METTL25: variants seen among roughly 807,000 people sequenced by gnomAD.
METTL25 encodes the protein methyltransferase like 25, also known as probable methyltransferase-like protein 25.
Under a neutral mutation model 71.6 loss-of-function variants are expected in METTL25, and 64 were observed. The observed-to-expected ratio is 0.89, with a 90% CI of 0.73 to 1.10. The LOEUF (loss-of-function observed/expected upper bound fraction) is 1.10, where lower values mean the gene tolerates loss of function less well. METTL25 is among the 50% of genes least tolerant of loss of function. The pLI is 0.00. For missense variants in METTL25, 807 were observed against 707.0 expected (o/e 1.14, Z -1.60); for synonymous variants, 287 against 250.3 (o/e 1.15, Z -1.38).
intron 1 of METTL25, chr12:82,374,373 A>C (rs1883587554): frequency 6.6e-6 from 1 of 152,180 alleles, no homozygotes; most frequent in Non-Finnish European, 1.5e-5. Flanking sequence ...TGATTGGTCC[A>C]TTTTACAGAG....
chr12:82,413,796 AAATAAAT>A (rs1316326269), intron 5 of METTL25, among the ~76,000 whole-genome samples: 6 of 151,916 alleles, frequency 3.9e-5, no homozygotes, highest in African/African-American at 9.7e-5. Context: ...GGGTTTGCAT[AAATAAAT>A]AATAAATAAT....
At chr12:82,450,758 C>T (rs2731292) in intron 8 of METTL25, among the ~76,000 whole-genome samples, 139,731 of 152,160 alleles carry the variant, frequency 0.92, 64,562 homozygotes, top group East Asian at 1. Flanking sequence ...TTGAAAATAC[C>T]AGAAACACTT....
intron 9 of METTL25, among the ~76,000 whole-genome samples, chr12:82,466,127 A>G (rs1892216515): frequency 6.6e-6 from 1 of 150,528 alleles, no homozygotes; most frequent in African/African-American, 2.4e-5. Context: ...TCCTTCTACT[A>G]ATTTCGGATT....
At chr12:82,430,216 A>G (rs930380581) in intron 5 of METTL25, among the ~76,000 whole-genome samples, 3 of 151,396 alleles carry the variant, frequency 2.0e-5, no homozygotes, top group African/African-American at 7.3e-5. Context: ...TGTGGAACTA[A>G]TAGTTCTACA....
At chr12:82,376,450 T>G (rs1199600454) in intron 1 of METTL25, among the ~76,000 whole-genome samples, 1 of 152,238 alleles carries the variant, frequency 6.6e-6, no homozygotes, top group African/African-American at 2.4e-5. Context: ...CTTAAAAATT[T>G]CAATGTCATT....
intron 8 of METTL25, among the ~76,000 whole-genome samples, chr12:82,453,657 T>C (rs573127436): frequency 6.6e-6 from 1 of 152,272 alleles, no homozygotes; most frequent in East Asian, 1.9e-4. Context: ...GTTACATATT[T>C]CTTCAGTAGC....
chr12:82,411,299 G>A (rs1326329578), intron 5 of METTL25, among the ~76,000 whole-genome samples: 1 of 151,948 alleles, frequency 6.6e-6, no homozygotes, highest in Non-Finnish European at 1.5e-5. Flanking sequence ...AATTCAAGAA[G>A]CATTTAAGAT....
intron 5 of METTL25, among the ~76,000 whole-genome samples, chr12:82,417,540 G>A (rs1013791474): frequency 6.6e-6 from 1 of 152,128 alleles, no homozygotes; most frequent in Non-Finnish European, 1.5e-5. Context: ...ATGGGTACAT[G>A]TACAAATACC....
At chr12:82,386,689 A>G (rs1885055216) in intron 1 of METTL25, 114 bp from the exon 2 acceptor site, 1 of 858,528 alleles carries the variant, frequency 1.2e-6, no homozygotes, top group Non-Finnish European at 1.8e-6. Context: ...TTCACAACAA[A>G]ATGAAAATAT....
At chr12:82,358,986 G>T in intron 1 of METTL25, 162 bp downstream of exon 1, 1 of 714,134 alleles carries the variant, frequency 1.4e-6, no homozygotes, top group Admixed American at 2.7e-5. Context: ...GAGGGGTGGG[G>T]TGGGGATGTT....
chr12:82,472,242 G>A (rs1892612156), intron 9 of METTL25, among the ~76,000 whole-genome samples: 1 of 152,106 alleles, frequency 6.6e-6, no homozygotes. Flanking sequence ...ACTCTTAGTG[G>A]TTGTCTAGGT....
intron 9 of METTL25, among the ~76,000 whole-genome samples, chr12:82,457,168 T>C (rs1041331268): frequency 6.6e-6 from 1 of 152,022 alleles, no homozygotes; most frequent in Admixed American, 6.6e-5. Flanking sequence ...ATTTACAGCT[T>C]ATATAACTAA....
chr12:82,358,963 G>A (rs1281552893), intron 1 of METTL25, 139 bp downstream of exon 1: 7 of 969,356 alleles, frequency 7.2e-6, no homozygotes, highest in Non-Finnish European at 1.1e-5. Context: ...ACCGAGGAGG[G>A]GTCGGATTAG....
In METTL25 at chr12:82,399,028, A is replaced by G; in HGVS notation, c.765A>G (p.Lys255=). ...AAGTGCAAAATAAAGTTAAAAATAA[A>G]GCTGATACTGAGGAAGTGTTTAACA... ...ERKVQNKVKN[K]ADTEEVFNNS... is the part of the protein sequence containing the mutation. Residue 255 remains lysine, a synonymous_variant, in exon 4 of 12, where the codon AAA becomes AAG. Transcript: ENST00000248306. 6.2e-7 allele frequency: 1 copy of G among 1,611,320 alleles called. No homozygotes were observed. Among genetic ancestry groups the G allele is most frequent in the Non-Finnish European group, 8.5e-7 (1 of 1,178,768 alleles).
At position 82,430,991 on chromosome 12, in the gene METTL25, T is replaced by C; in HGVS notation, c.1374+4T>C. The C allele has an allele frequency of 6.4e-7, 1 of 1,568,042 alleles. No individual in the cohort carries two copies. Among genetic ancestry groups the C allele is most frequent in the Non-Finnish European group, 8.7e-7 (1 of 1,147,472 alleles). ...TGCCAGAATGTCAGCATGTTTGGTA[T>C]GGTTATATTTTTTCCTGGAGTAACA... On this transcript the variant is annotated splice_donor_region_variant and intron_variant, in intron 6 of 11. Transcript: ENST00000248306.
intron 5 of METTL25, among the ~76,000 whole-genome samples, chr12:82,423,564 C>T (rs1461606302): frequency 1.3e-5 from 2 of 152,206 alleles, no homozygotes; most frequent in Non-Finnish European, 2.9e-5. Context: ...AGCTAAAGAG[C>T]TTCTGCACAG....
At chr12:82,359,586 C>T (rs1287727303) in intron 1 of METTL25, among the ~76,000 whole-genome samples, 1 of 152,224 alleles carries the variant, frequency 6.6e-6, no homozygotes, top group African/African-American at 2.4e-5. Flanking sequence ...GAGACTACCT[C>T]AGTAGTACAA....
chr12:82,479,043 A>G lies in METTL25; in HGVS notation c.*19A>G. 1.3e-6 allele frequency: 2 copies of G among 1,598,004 alleles called. No homozygotes were observed. Among genetic ancestry groups the G allele is most frequent in the Non-Finnish European group, 1.7e-6 (2 of 1,166,108 alleles). ...GCAGTGATTTCCATTGAAGCAAATT[A>G]TTAGATGTATTTCTCTATGAGACCT... On this transcript the variant is annotated 3_prime_UTR_variant, in exon 12 of 12. Coordinates refer to ENST00000248306, the MANE Select transcript of METTL25 (RefSeq NM_032230.3).
At chr12:82,473,018 G>A (rs1892658435) in intron 9 of METTL25, among the ~76,000 whole-genome samples, 1 of 151,870 alleles carries the variant, frequency 6.6e-6, no homozygotes, top group South Asian at 2.1e-4. Context: ...GTTGGGTGGG[G>A]TACATTTGCT....
Sources: allele counts gnomAD v4.1 joint callset (sites outside exome capture counted in the v4.1 genomes callset), GRCh38; gene constraint gnomAD v4.1.1; transcripts MANE v1.5; gene names NCBI Gene and HGNC (gene_info 2026-07-23, HGNC 2026-07-21).